The following SESTD1 variants were observed in gnomAD, a reference collection of about 807,000 sequenced individuals.
SESTD1 encodes SEC14 domain and spectrin repeat-containing protein 1.
A neutral mutation model predicts 101.7 loss-of-function variants in SESTD1; 43 were observed. That is an observed-to-expected ratio of 0.42 (90% CI 0.33 to 0.55). The LOEUF (loss-of-function observed/expected upper bound fraction) is 0.55. Among genes scored for constraint, SESTD1 ranks in the 20% least tolerant of loss-of-function variants. The probability of loss-of-function intolerance (pLI) is 0.07; values close to 1 mark genes in which losing one functional copy is unlikely to be tolerated. For synonymous variants in SESTD1, 283 were observed against 286.8 expected (o/e 0.99, Z 0.13); for missense variants, 647 against 815.1 (o/e 0.79, Z 2.51).
At chr2:179,264,175 A>G (rs1226142011) in intron 1 of SESTD1, 1 of 152,182 alleles carries the variant, frequency 6.6e-6, no homozygotes. Flanking sequence ...TCAGGAACGG[A>G]AAAGCGCGCG....
chr2:179,134,702 C>T (rs1209366548), intron 9 of SESTD1, among the ~76,000 whole-genome samples: 2 of 151,960 alleles, frequency 1.3e-5, no homozygotes, highest in East Asian at 3.9e-4. Flanking sequence ...TGATGTAATA[C>T]TAATGCTTGT....
intron 8 of SESTD1, among the ~76,000 whole-genome samples, chr2:179,145,309 C>T (rs1025554418): frequency 1.3e-5 from 2 of 152,090 alleles, no homozygotes; most frequent in African/African-American, 4.8e-5. Context: ...AATCAAACTG[C>T]CTAGGTTCAA....
At chr2:179,189,404 T>A (rs147553221) in intron 2 of SESTD1, among the ~76,000 whole-genome samples, 3 of 152,148 alleles carry the variant, frequency 2.0e-5, no homozygotes, top group African/African-American at 7.2e-5. Context: ...AAACTATGCA[T>A]TGAAGAAATA....
Position 179,204,734 on chromosome 2 carries a change from G to A in SESTD1, c.-25-12868C>T, listed in dbSNP as rs1294929334. 2.2e-5 allele frequency among the ~76,000 whole-genome samples: 3 copies of A among 135,042 alleles called. 1 individual carries two copies. Among genetic ancestry groups the A allele is most frequent in the South Asian group, 5.6e-4 (2 of 3,580 alleles). 88.6% of individuals were successfully genotyped at this position (135,042 alleles called of 152,430 possible). ...GGCACCAGCACTTTTTCCCACCAAT[G>A]CTTTTACACCATCAGCACAAATGTC... On this transcript the variant is annotated intron_variant, in intron 1 of 17. Coordinates refer to ENST00000428443, the MANE Select transcript of SESTD1 (RefSeq NM_178123.5).
intron 13 of SESTD1, among the ~76,000 whole-genome samples, chr2:179,119,117 T>A (rs2044695354): frequency 6.6e-6 from 1 of 152,156 alleles, no homozygotes; most frequent in African/African-American, 2.4e-5. Context: ...GAAGACAAAC[T>A]CCATCTGAGC....
intron 1 of SESTD1, among the ~76,000 whole-genome samples, chr2:179,225,750 A>C (rs112103349): frequency 2.6e-5 from 4 of 152,134 alleles, no homozygotes; most frequent in African/African-American, 9.7e-5. Flanking sequence ...AAAGTGGGAG[A>C]GCAAGAGAGC....
intron 15 of SESTD1, 130 bp from the exon 16 acceptor site, chr2:179,115,386 G>A (rs556546663): frequency 1.6e-6 from 1 of 632,244 alleles, no homozygotes; most frequent in African/African-American, 1.9e-5. Context: ...AAATCTAGTG[G>A]CACTTATTAC....
chr2:179,128,727 C>CAA (rs747412908), intron 10 of SESTD1, among the ~76,000 whole-genome samples: 39 of 73,674 alleles, frequency 5.3e-4, no homozygotes, highest in Middle Eastern at 7.8e-3. Context: ...GACACTGTCT[C>CAA]AAAAAAAAAA....
intron 10 of SESTD1, among the ~76,000 whole-genome samples, chr2:179,131,599 G>T (rs546758116): frequency 6.6e-6 from 1 of 152,030 alleles, no homozygotes; most frequent in African/African-American, 2.4e-5. Flanking sequence ...TAGGGAGAGG[G>T]GGGTGAGCTA....
chr2:179,146,211 T>C (rs1158710319), intron 8 of SESTD1, among the ~76,000 whole-genome samples, 191 bp downstream of exon 8: 2 of 152,166 alleles, frequency 1.3e-5, no homozygotes, highest in Non-Finnish European at 2.9e-5. Context: ...GGAACAGTTT[T>C]ATTCTGAAAC....
intron 1 of SESTD1, among the ~76,000 whole-genome samples, chr2:179,244,779 T>G (rs1352414074): frequency 6.6e-6 from 1 of 152,224 alleles, no homozygotes. Context: ...AGGCTTCCTT[T>G]GTCTTGAGTT....
chr2:179,111,079 G>C (rs1000374024), intron 17 of SESTD1, among the ~76,000 whole-genome samples: 1 of 152,154 alleles, frequency 6.6e-6, no homozygotes, highest in Non-Finnish European at 1.5e-5. Flanking sequence ...TGTGACAACT[G>C]GCTGTGAAAT....
intron 1 of SESTD1, among the ~76,000 whole-genome samples, chr2:179,228,684 T>A (rs2046927854): frequency 6.6e-6 from 1 of 152,238 alleles, no homozygotes; most frequent in Admixed American, 6.5e-5. Flanking sequence ...AAGGTGTTAG[T>A]GGCCATGTAA....
intron 2 of SESTD1, among the ~76,000 whole-genome samples, chr2:179,188,509 A>C (rs2046270041): frequency 6.6e-6 from 1 of 152,158 alleles, no homozygotes; most frequent in Non-Finnish European, 1.5e-5. Context: ...ATGGTGGTAC[A>C]CACCTGTAGT....
At chr2:179,185,944 TATATACAATATATAATATAGC>T (rs1243692350) in intron 2 of SESTD1, among the ~76,000 whole-genome samples, 3 of 139,552 alleles carry the variant, frequency 2.1e-5, no homozygotes, top group Non-Finnish European at 4.6e-5. Context: ...TATATTATAT[TATATACAATATATAATATAGC>T]ATATACAATA....
At chr2:179,198,106 T>C (rs952775994) in intron 1 of SESTD1, among the ~76,000 whole-genome samples, 2 of 152,026 alleles carry the variant, frequency 1.3e-5, no homozygotes, top group African/African-American at 4.8e-5. Flanking sequence ...AATAAAAGGA[T>C]GGAGGAAGAT....
intron 5 of SESTD1, among the ~76,000 whole-genome samples, chr2:179,163,936 C>T (rs1203282106): frequency 6.6e-6 from 1 of 152,094 alleles, no homozygotes; most frequent in Admixed American, 6.5e-5. Context: ...TAATACTTAT[C>T]CTTTCCTAGT....
At position 179,199,364 on chromosome 2, in the gene SESTD1, T is replaced by C. The variant is rs988375317; in HGVS notation, c.-25-7498A>G. ...GGACCAGATGGATTCACAGCTGAAT[T>C]CTACCAGAGGTACAAGGAGGAACTG... On this transcript the variant is annotated intron_variant, in intron 1 of 17. Transcript: ENST00000428443. Among the ~76,000 whole-genome samples the C allele has an allele frequency of 7.2e-5, 11 of 152,282 alleles. 1 individual carries two copies. Among genetic ancestry groups the C allele is most frequent in the African/African-American group, 2.4e-4 (10 of 41,550 alleles).
chr2:179,160,660 A>G (rs918892421), intron 5 of SESTD1, among the ~76,000 whole-genome samples: 2 of 152,066 alleles, frequency 1.3e-5, no homozygotes, highest in Non-Finnish European at 2.9e-5. Flanking sequence ...TGGAACCACA[A>G]ACTCAACATT....
Sources: allele counts gnomAD v4.1 joint callset (sites outside exome capture counted in the v4.1 genomes callset), GRCh38; gene constraint gnomAD v4.1.1; transcripts MANE v1.5; gene names NCBI Gene and HGNC (gene_info 2026-07-23, HGNC 2026-07-21).